Variants in CEP128 observed in about 807,000 individuals in gnomAD.
CEP128 encodes centrosomal protein 128, also known as centrosomal protein 128kDa.
A neutral mutation model predicts 156.7 loss-of-function variants in CEP128; 132 were observed. The observed-to-expected ratio is 0.84, with a 90% CI of 0.73 to 0.97. The LOEUF is 0.97. Among genes scored for constraint, CEP128 ranks in the 50% least tolerant of loss-of-function variants. The probability of loss-of-function intolerance (pLI) is 0.00; values close to 1 mark genes in which losing one functional copy is unlikely to be tolerated. For synonymous variants in CEP128, 469 were observed against 448.9 expected (o/e 1.04, Z -0.57); for missense variants, 1,252 against 1,281.9 (o/e 0.98, Z 0.36).
rs185274568 is a variant in CEP128 at position 80,864,342 on chromosome 14, T to C, written c.646-1469A>G. 1.2e-4 allele frequency among the ~76,000 whole-genome samples: 18 copies of C among 152,286 alleles called. No homozygotes were observed. The East Asian group carries it at 3.3e-3, about 28-fold the overall frequency. ...CTATCTATTGAAGACTGACAATGAA[T>C]GAGTAGTTAAAATTTCTCTGATTAA... On this transcript the variant is annotated intron_variant, in intron 8 of 24. Coordinates refer to ENST00000555265, the MANE Select transcript of CEP128 (RefSeq NM_152446.5).
chr14:80,924,479 G>C (rs183593152), intron 2 of CEP128, among the ~76,000 whole-genome samples: 57 of 152,304 alleles, frequency 3.7e-4, no homozygotes, highest in Admixed American at 7.2e-4. Flanking sequence ...GTCTTGATGG[G>C]AGAGAAGGAC....
At chr14:80,481,488 T>C (rs1474673074) in intron 14 of CEP128, among the ~76,000 whole-genome samples, 1 of 152,184 alleles carries the variant, frequency 6.6e-6, no homozygotes, top group Non-Finnish European at 1.5e-5. Context: ...ACAAGGCTTA[T>C]AATTCAAAGA....
chr14:80,774,680 T>C (rs1900700452), intron 16 of CEP128, among the ~76,000 whole-genome samples: 1 of 152,032 alleles, frequency 6.6e-6, no homozygotes, highest in African/African-American at 2.4e-5. Context: ...TGTCCATAAT[T>C]TACTTATAAA....
At chr14:80,761,390 T>C (rs749769931) in intron 17 of CEP128, 47 bp downstream of exon 17, 6 of 1,346,800 alleles carry the variant, frequency 4.5e-6, no homozygotes, top group Non-Finnish European at 5.1e-6. Context: ...AATTATATAT[T>C]AGGAAACTAA....
intron 19 of CEP128, among the ~76,000 whole-genome samples, chr14:80,641,241 G>T (rs942701693): frequency 1.3e-5 from 2 of 152,114 alleles, no homozygotes; most frequent in African/African-American, 4.8e-5. Context: ...ATTTTAGGTG[G>T]ATGCCTCCTC....
intron 19 of CEP128, among the ~76,000 whole-genome samples, chr14:80,711,387 G>A (rs1019933806): frequency 2.6e-5 from 4 of 151,472 alleles, no homozygotes; most frequent in Non-Finnish European, 4.4e-5. Flanking sequence ...TACATAGCAT[G>A]AATTAACATC....
In CEP128 at chr14:80,761,581, T is replaced by C. The variant is rs766895052; in HGVS notation, c.2409A>G (p.Leu803=). Residue 803 remains leucine (L), a synonymous_variant, in exon 17 of 25, where the codon TTA becomes TTG. Coordinates refer to ENST00000555265, the MANE Select transcript of CEP128 (RefSeq NM_152446.5). ...EKHISIEEEH[L]RRMEEARLQL... ...GCAATCTGGCCTCTTCCATCCTCCT[T>C]AAGTGCTCCTCTTCAATGCTTATAT... 6.2e-7 allele frequency: 1 copy of C among 1,610,224 alleles called. No homozygotes were observed. The highest frequency in any genetic ancestry group is 8.5e-7 in the Non-Finnish European group (1 of 1,177,514).
chr14:80,919,244 C>T (rs1884721836), intron 2 of CEP128, among the ~76,000 whole-genome samples: 1 of 152,064 alleles, frequency 6.6e-6, no homozygotes, highest in Non-Finnish European at 1.5e-5. Flanking sequence ...ATATAAATGG[C>T]ATGTCAGACA....
At chr14:80,810,078 C>T (rs1884418461) in intron 13 of CEP128, among the ~76,000 whole-genome samples, 1 of 151,890 alleles carries the variant, frequency 6.6e-6, no homozygotes, top group Non-Finnish European at 1.5e-5. Flanking sequence ...AATCCCAGCA[C>T]TTTGGGAGGC....
intron 15 of CEP128, among the ~76,000 whole-genome samples, chr14:80,779,130 C>G (rs1169142349): frequency 6.6e-6 from 1 of 152,160 alleles, no homozygotes; most frequent in African/African-American, 2.4e-5. Context: ...ACAAAACACA[C>G]CTACCAGTTG....
intron 13 of CEP128, among the ~76,000 whole-genome samples, chr14:80,808,559 T>C (rs1433188053): frequency 6.6e-6 from 1 of 152,008 alleles, no homozygotes; most frequent in Non-Finnish European, 1.5e-5. Flanking sequence ...CCGCTACCAC[T>C]ACCTGCATGC....
At chr14:80,782,513 A>G (rs1332859659) in intron 15 of CEP128, among the ~76,000 whole-genome samples, 1 of 152,056 alleles carries the variant, frequency 6.6e-6, no homozygotes, top group Non-Finnish European at 1.5e-5. Flanking sequence ...ACCAGTTTTC[A>G]TCTTCACTGC....
chr14:80,925,356 A>C (rs980830340), intron 2 of CEP128, among the ~76,000 whole-genome samples: 2 of 152,164 alleles, frequency 1.3e-5, no homozygotes, highest in South Asian at 2.1e-4. Context: ...AAACATGAGA[A>C]GTAGGTGAAA....
chr14:80,744,026 A>G (rs1359002520), intron 18 of CEP128, among the ~76,000 whole-genome samples: 2 of 151,688 alleles, frequency 1.3e-5, no homozygotes, highest in East Asian at 3.9e-4. Context: ...ACACACCACC[A>G]TGTCTGGCTA....
intron 15 of CEP128, among the ~76,000 whole-genome samples, chr14:80,778,691 T>C (rs111273293): frequency 1.3e-5 from 2 of 152,330 alleles, no homozygotes; most frequent in South Asian, 2.1e-4. Flanking sequence ...TATTTATTGA[T>C]CTTTATTTAG....
downstream of CEP128, among the ~76,000 whole-genome samples, chr14:80,493,880 C>T (rs1233318708): frequency 2.0e-5 from 3 of 152,174 alleles, no homozygotes; most frequent in Non-Finnish European, 4.4e-5. Context: ...CTAGAAGGTG[C>T]GGCTGGTTTC....
At chr14:80,763,312 T>C (rs1462910259) in intron 16 of CEP128, among the ~76,000 whole-genome samples, 2 of 152,152 alleles carry the variant, frequency 1.3e-5, no homozygotes, top group Non-Finnish European at 2.9e-5. Context: ...CCACATTGAG[T>C]TTCTGTCCAA....
chr14:80,836,019 G>A (rs1443866539), intron 12 of CEP128, among the ~76,000 whole-genome samples, 186 bp downstream of exon 12: 5 of 152,152 alleles, frequency 3.3e-5, no homozygotes, highest in Non-Finnish European at 7.3e-5. Flanking sequence ...ACCAAGCAGG[G>A]AAGATATTAA....
At chr14:80,796,010 A>G (rs1026208741) in intron 13 of CEP128, among the ~76,000 whole-genome samples, 13 of 152,116 alleles carry the variant, frequency 8.5e-5, no homozygotes, top group African/African-American at 3.1e-4. Flanking sequence ...TCAATCCTAC[A>G]TTATCTTCTA....
Sources: allele counts gnomAD v4.1 joint callset (sites outside exome capture counted in the v4.1 genomes callset), GRCh38; gene constraint gnomAD v4.1.1; transcripts MANE v1.5; gene names NCBI Gene and HGNC (gene_info 2026-07-23, HGNC 2026-07-21).